The following PPP2CA variants were observed in gnomAD, a reference collection of about 807,000 sequenced individuals.
PPP2CA encodes serine/threonine-protein phosphatase 2A catalytic subunit alpha isoform.
In PPP2CA, 5 loss-of-function variants were observed where a neutral mutation model predicts 38.8. The observed-to-expected ratio is 0.13, with a 90% CI of 0.07 to 0.27. PPP2CA has a LOEUF of 0.27. Among genes scored for constraint, PPP2CA ranks in the 10% least tolerant of loss-of-function variants. The pLI is 1.00. For synonymous variants in PPP2CA, 152 were observed against 134.0 expected, an observed-to-expected ratio of 1.13 and a Z score of -0.93; for missense variants, 88 against 389.7, an observed-to-expected ratio of 0.23 and a Z score of 6.52.
chr5:134,217,864 A>T (rs1762354622), intron 1 of PPP2CA, among the ~76,000 whole-genome samples: 2 of 152,234 alleles, frequency 1.3e-5, no homozygotes, highest in South Asian at 4.1e-4. Context: ...GACTACTACA[A>T]ACCTAAGCTA....
At chr5:134,201,690 G>C (rs955385067) in intron 3 of PPP2CA, among the ~76,000 whole-genome samples, 158 bp downstream of exon 3, 8 of 152,134 alleles carry the variant, frequency 5.3e-5, no homozygotes, top group African/African-American at 1.9e-4. Context: ...GGACACATTT[G>C]TCAAATTAAA....
At chr5:134,201,101 C>T (rs1761959394) in intron 3 of PPP2CA, 27 bp from the exon 4 acceptor site, 1 of 1,547,158 alleles carries the variant, frequency 6.5e-7, no homozygotes, top group Non-Finnish European at 8.9e-7. Flanking sequence ...AAAAGGTTAA[C>T]CTCACCTAAA....
intron 1 of PPP2CA, among the ~76,000 whole-genome samples, chr5:134,216,274 T>C (rs897381109): frequency 1.7e-4 from 26 of 152,008 alleles, no homozygotes; most frequent in African/African-American, 5.6e-4. Flanking sequence ...CGGTGGATCA[T>C]GCCTGTAATC....
At chr5:134,198,708 G>T (rs952359332) in intron 6 of PPP2CA, among the ~76,000 whole-genome samples, 23 of 152,092 alleles carry the variant, frequency 1.5e-4, no homozygotes, top group Non-Finnish European at 3.1e-4. Flanking sequence ...TGGGATTACA[G>T]GCAGGCGCCA....
intron 1 of PPP2CA, among the ~76,000 whole-genome samples, chr5:134,213,596 G>C (rs1406319421): frequency 6.6e-6 from 1 of 151,776 alleles, no homozygotes; most frequent in African/African-American, 2.4e-5. Flanking sequence ...GATCAGCCTG[G>C]GCAATGTGGC....
chr5:134,223,935 A>G (rs186940906), intron 1 of PPP2CA, among the ~76,000 whole-genome samples: 1 of 152,336 alleles, frequency 6.6e-6, no homozygotes, highest in Admixed American at 6.5e-5. Flanking sequence ...CTCAGAACAC[A>G]TTTTAGTTTA....
chr5:134,220,073 C>G (rs1410760085), intron 1 of PPP2CA, among the ~76,000 whole-genome samples: 1 of 151,584 alleles, frequency 6.6e-6, no homozygotes, highest in East Asian at 1.9e-4. Flanking sequence ...TTTCAAACCC[C>G]ACCTCTCAGC....
intron 1 of PPP2CA, among the ~76,000 whole-genome samples, chr5:134,217,148 C>T (rs534478591): frequency 1.3e-5 from 2 of 152,056 alleles, no homozygotes; most frequent in African/African-American, 2.4e-5. Flanking sequence ...GGTGTGGTGG[C>T]GCATGCCTGT....
rs181509832 is a variant in PPP2CA at position 134,223,614 on chromosome 5, C to T, written c.102+2146G>A. On this transcript the variant is annotated intron_variant, in intron 1 of 6. Coordinates refer to ENST00000481195, the MANE Select transcript of PPP2CA (RefSeq NM_002715.4). ...GCGCAAGCAATGGAGATTTACCTCACTACATCTTAGTTTTACAAAGATGTG... is the reference window on the plus strand; with the variant it reads ...GCGCAAGCAATGGAGATTTACCTCATTACATCTTAGTTTTACAAAGATGTG... 2.0e-5 allele frequency among the ~76,000 whole-genome samples: 3 copies of T among 152,340 alleles called. No homozygotes were observed. The East Asian group carries it at 5.8e-4, about 29-fold the overall frequency.
chr5:134,202,053 T>TA (rs1240743065), intron 2 of PPP2CA, 32 bp from the exon 3 acceptor site: 13 of 1,536,182 alleles, frequency 8.5e-6, no homozygotes, highest in Admixed American at 4.7e-5. Context: ...CATAAACAAC[T>TA]AGCTCTTTCA....
chr5:134,216,457 T>C (rs1345694129), intron 1 of PPP2CA, among the ~76,000 whole-genome samples: 1 of 145,488 alleles, frequency 6.9e-6, no homozygotes, highest in Non-Finnish European at 1.5e-5. Flanking sequence ...GGAGAATCAC[T>C]TGAACCCATG....
chr5:134,197,909 A>G lies in PPP2CA; in HGVS notation c.858-65T>C, dbSNP rs1034502103. ...CTCCATGTAGTGACAATCAAGATCA[A>G]GAACATGAGTCTTCCAAACTTTACA... On this transcript the variant is annotated intron_variant, in intron 6 of 6. Coordinates refer to ENST00000481195, the MANE Select transcript of PPP2CA (RefSeq NM_002715.4). 4.4e-6 allele frequency: 6 copies of G among 1,362,200 alleles called. No homozygotes were observed. In the African/African-American group the frequency reaches 8.6e-5, roughly 19 times the overall value. The allele number at this position is 1,362,200 out of a possible 1,614,324, so 84.4% of individuals were successfully genotyped here. A position where few individuals can be genotyped will look rare whatever the true frequency, so the allele number is the denominator to read the frequency against.
chr5:134,224,527 C>T (rs564076834), intron 1 of PPP2CA: 5 of 330,026 alleles, frequency 1.5e-5, no homozygotes, highest in South Asian at 4.8e-5. Context: ...TCCATTAATT[C>T]TTTTCACGGA....
At chr5:134,217,852 T>C (rs1254717624) in intron 1 of PPP2CA, among the ~76,000 whole-genome samples, 2 of 152,242 alleles carry the variant, frequency 1.3e-5, no homozygotes. Flanking sequence ...CTAGATAGTA[T>C]AGACTACTAC....
At position 134,196,488 on chromosome 5, in the gene PPP2CA, T is replaced by C. The variant is rs1483653653; in HGVS notation, c.*1284A>G. On this transcript the variant is annotated 3_prime_UTR_variant, in exon 7 of 7. Transcript: ENST00000481195. ...GAATGTACATAAGACTAAATCATGA[T>C]CCAACAATAGTTTTCTATTTGGTTT... The C allele has an allele frequency of 1.3e-5, 2 of 152,204 alleles. No homozygotes were observed. The highest frequency in any genetic ancestry group is 2.1e-4 in the South Asian group (1 of 4,834). 9.4% of individuals were successfully genotyped at this position (152,204 alleles called of 1,614,324 possible).
At chr5:134,219,739 A>G (rs1762397930) in intron 1 of PPP2CA, among the ~76,000 whole-genome samples, 1 of 152,186 alleles carries the variant, frequency 6.6e-6, no homozygotes, top group African/African-American at 2.4e-5. Context: ...AGCTGGGCAC[A>G]GTGGCTCACA....
At chr5:134,210,462 C>T (rs1762180379) in intron 1 of PPP2CA, among the ~76,000 whole-genome samples, 1 of 152,170 alleles carries the variant, frequency 6.6e-6, no homozygotes. Flanking sequence ...AAACCTTTTG[C>T]TTCCCCTAAA....
intron 1 of PPP2CA, among the ~76,000 whole-genome samples, chr5:134,225,146 C>A (rs1455633503): frequency 6.6e-6 from 1 of 152,182 alleles, no homozygotes; most frequent in Non-Finnish European, 1.5e-5. Flanking sequence ...ATAGCTACCA[C>A]CATGACCTTC....
rs200501574 is a variant in PPP2CA at position 134,225,772 on chromosome 5, G to A, written c.90C>T (p.Ser30=). The A allele has an allele frequency of 7.0e-5, 113 of 1,607,990 alleles. No individual in the cohort carries two copies. Among genetic ancestry groups the A allele is most frequent in the Non-Finnish European group, 8.5e-5 (100 of 1,178,550 alleles). The part of the protein sequence containing the change: ...CKQLSESQVK[S]LCEKAKEILT... The stretch of plus-strand genomic sequence containing the variant: ...TACTACAGCTCACCTTCTCGCAGAG[G>A]CTCTTGACCTGGGACTCGGACAGCT... Residue 30 remains serine (S), a synonymous_variant, in exon 1 of 7, where the codon AGC becomes AGT. Coordinates refer to ENST00000481195, the MANE Select transcript of PPP2CA (RefSeq NM_002715.4).
Sources: allele counts gnomAD v4.1 joint callset (sites outside exome capture counted in the v4.1 genomes callset), GRCh38; gene constraint gnomAD v4.1.1; transcripts MANE v1.5; gene names NCBI Gene and HGNC (gene_info 2026-07-23, HGNC 2026-07-21).